The following CTNNBIP1 variants were observed in gnomAD, a reference collection of about 807,000 sequenced individuals.
CTNNBIP1 encodes the protein catenin beta interacting protein 1.
In CTNNBIP1, 7 loss-of-function variants were observed where a neutral mutation model predicts 11.8. That is an observed-to-expected ratio of 0.60 (90% confidence interval 0.34 to 1.12). The LOEUF (loss-of-function observed/expected upper bound fraction) is 1.12. Ranked by LOEUF, CTNNBIP1 falls within the 50% of genes most tolerant of loss-of-function variation. The probability of loss-of-function intolerance (pLI) is 0.03; values close to 1 mark genes in which losing one functional copy is unlikely to be tolerated. For synonymous variants in CTNNBIP1, 58 were observed against 43.9 expected, an observed-to-expected ratio of 1.32 and a Z score of -1.26; for missense variants, 101 against 113.4, an observed-to-expected ratio of 0.89 and a Z score of 0.50.
In CTNNBIP1 at chr1:9,871,243, T is replaced by C. The variant is rs1191218589; in HGVS notation, c.131A>G (p.Tyr44Cys). The part of the protein sequence containing the change: ...TASEEEFLRT[Y>C]AGVVNSQLSQ... ...GAGCTGGCTGTTGACCACCCCTGCA[T>C]AGGTGCGCAGGAACTCCTCCTCGCT... Residue 44 changes from tyrosine (Y) to cysteine (C), a missense_variant, in exon 5 of 6, where the codon TAT becomes TGT. Tyr to Cys is a radical substitution (Grantham distance 194). Transcript: ENST00000377263. The surrounding 1 kb of genome is among the most constrained non-coding windows in gnomAD (Gnocchi z 5.2). 4 of 1,581,012 alleles carry C rather than the reference T, an allele frequency of 2.5e-6. No individual in the cohort carries two copies. The highest frequency in any genetic ancestry group is 1.9e-5 in the Admixed American group (1 of 53,976).
At chr1:9,856,169 T>C (rs1380000771) in intron 5 of CTNNBIP1, among the ~76,000 whole-genome samples, 2 of 151,590 alleles carry the variant, frequency 1.3e-5, no homozygotes, top group African/African-American at 2.4e-5. Context: ...AAGAAATAAA[T>C]AAATAAAAGA....
chr1:9,850,181 T>C lies in CTNNBIP1; in HGVS notation c.*537A>G, dbSNP rs1050812703. ...TTGGTTTCTTTCTTTTCAAGTCAAA[T>C]ATAACGACTAATGTCCCAGACCCTG... is the stretch of plus-strand genomic sequence containing the variant. On this transcript the variant is annotated 3_prime_UTR_variant, in exon 6 of 6. Transcript: ENST00000377263. 6.5e-6 allele frequency: 1 copy of C among 152,720 alleles called. No individual in the cohort carries two copies. The highest frequency in any genetic ancestry group is 1.5e-5 in the Non-Finnish European group (1 of 68,116). 9.5% of individuals were successfully genotyped at this position (152,720 alleles called of 1,614,324 possible).
At chr1:9,905,308 C>T (rs1639595543) in intron 1 of CTNNBIP1, among the ~76,000 whole-genome samples, 3 of 152,200 alleles carry the variant, frequency 2.0e-5, no homozygotes, top group Admixed American at 6.6e-5. Context: ...CCCCCTAGAT[C>T]ACCATCCATG....
At chr1:9,863,280 G>A (rs762923786) in intron 5 of CTNNBIP1, among the ~76,000 whole-genome samples, 37 of 152,096 alleles carry the variant, frequency 2.4e-4, no homozygotes, top group Non-Finnish European at 5.1e-4. Context: ...GGTGATTTTT[G>A]GTTTAATTTT....
At chr1:9,852,156 G>A (rs1440757364) in intron 5 of CTNNBIP1, among the ~76,000 whole-genome samples, 2 of 152,104 alleles carry the variant, frequency 1.3e-5, no homozygotes, top group African/African-American at 2.4e-5. Context: ...AGAGTGAGCC[G>A]GCCTCCACTC....
At chr1:9,900,314 G>A (rs1038922334) in intron 1 of CTNNBIP1, among the ~76,000 whole-genome samples, 1 of 152,000 alleles carries the variant, frequency 6.6e-6, no homozygotes, top group African/African-American at 2.4e-5. Flanking sequence ...AGGATCACTT[G>A]AGCCTGGGAG....
intron 5 of CTNNBIP1, among the ~76,000 whole-genome samples, chr1:9,861,907 T>C (rs1638636383): frequency 6.6e-6 from 1 of 152,160 alleles, no homozygotes; most frequent in Admixed American, 6.5e-5. Context: ...CCAATCTAAC[T>C]AGCCACAGGA....
intron 5 of CTNNBIP1, among the ~76,000 whole-genome samples, chr1:9,859,519 C>T (rs184911237): frequency 4.6e-5 from 7 of 152,328 alleles, no homozygotes; most frequent in African/African-American, 1.2e-4. Flanking sequence ...AGAAAGCCTC[C>T]TGGGGGCCTC....
chr1:9,854,681 A>T (rs752211965), intron 5 of CTNNBIP1, among the ~76,000 whole-genome samples: 2 of 151,670 alleles, frequency 1.3e-5, no homozygotes, highest in Admixed American at 6.6e-5. Flanking sequence ...ACTAAAAAAA[A>T]ATTTTTTTTT....
rs149837708 is a variant in CTNNBIP1 at position 9,867,396 on chromosome 1, G to T, written c.187+3791C>A. On this transcript the variant is annotated intron_variant, in intron 5 of 5. Coordinates refer to ENST00000377263, the MANE Select transcript of CTNNBIP1 (RefSeq NM_020248.3). This position sits in a 1 kb window ranked among gnomAD's most constrained non-coding sequence, Gnocchi z 4.6. ...GACCGAGGAAGGAATCGAAGGGTAGGGGGTAAAGGGGTGCCCACGGCCCCC... is the reference window on the plus strand; with the variant it reads ...GACCGAGGAAGGAATCGAAGGGTAGTGGGTAAAGGGGTGCCCACGGCCCCC... Among the ~76,000 whole-genome samples, 6 of 152,292 alleles carry T rather than the reference G, an allele frequency of 3.9e-5. No individual in the cohort carries two copies. In the East Asian group the frequency reaches 1.2e-3, roughly 29 times the overall value.
chr1:9,876,712 TA>T (rs1419251202), intron 3 of CTNNBIP1, among the ~76,000 whole-genome samples: 1 of 152,210 alleles, frequency 6.6e-6, no homozygotes, highest in Non-Finnish European at 1.5e-5. Context: ...ATTTATTATG[TA>T]GTAGGCAACC....
intron 1 of CTNNBIP1, 121 bp downstream of exon 1, chr1:9,909,974 G>C (rs1639702481): frequency 1.3e-5 from 2 of 151,784 alleles, no homozygotes; most frequent in Non-Finnish European, 2.9e-5. Context: ...GGTCCGAGCG[G>C]GGTCGGGGGC....
Position 9,895,108 on chromosome 1 carries a change from C to T in CTNNBIP1, c.-143-11370G>A, listed in dbSNP as rs186209411. ...ATTTTTAGTAGAGACAGGGTTTCAC[C>T]GTGTTAGCCAAGATGGTCTCGATCT... is the stretch of plus-strand genomic sequence containing the variant. On this transcript the variant is annotated intron_variant, in intron 1 of 5. Transcript: ENST00000377263. Among the ~76,000 whole-genome samples, 187 of 151,346 alleles carry T rather than the reference C, an allele frequency of 1.2e-3. 2 individuals are homozygous for T. Among genetic ancestry groups the T allele is most frequent in the Non-Finnish European group, 9.7e-4 (66 of 67,868 alleles).
chr1:9,884,029 G>T (rs1161227460), intron 1 of CTNNBIP1, among the ~76,000 whole-genome samples: 1 of 152,132 alleles, frequency 6.6e-6, no homozygotes, highest in East Asian at 1.9e-4. Flanking sequence ...AGCAGAGGAA[G>T]GGGAGAGTGA....
chr1:9,894,834 G>A (rs1049394920), intron 1 of CTNNBIP1, among the ~76,000 whole-genome samples: 3 of 151,550 alleles, frequency 2.0e-5, no homozygotes, highest in Admixed American at 6.6e-5. Flanking sequence ...TCCGCCTCCC[G>A]GGTTCAAGAG....
At chr1:9,859,100 C>T (rs1638569205) in intron 5 of CTNNBIP1, among the ~76,000 whole-genome samples, 1 of 152,146 alleles carries the variant, frequency 6.6e-6, no homozygotes, top group Non-Finnish European at 1.5e-5. Flanking sequence ...CAGCCCTGGC[C>T]CTGGCCCCCT....
chr1:9,892,148 C>T (rs1037357828), intron 1 of CTNNBIP1, among the ~76,000 whole-genome samples: 5 of 150,860 alleles, frequency 3.3e-5, no homozygotes, highest in African/African-American at 7.3e-5. Context: ...GCAGCCTGGG[C>T]GCGGTGGCTC....
At position 9,907,265 on chromosome 1, in the gene CTNNBIP1, G is replaced by A. The variant is rs367683585; in HGVS notation, c.-144+2830C>T. 3.2e-3 allele frequency among the ~76,000 whole-genome samples: 485 copies of A among 152,266 alleles called. 2 individuals carry two copies. The highest frequency in any genetic ancestry group is 0.014 in the Middle Eastern group (4 of 294). On this transcript the variant is annotated intron_variant, in intron 1 of 5. Transcript: ENST00000377263. ...GGCTCACTGCAACCTCCACCTCCCTGGTTCAAGCGATTCTCCTGCCTCAGC... is the reference window on the plus strand; with the variant it reads ...GGCTCACTGCAACCTCCACCTCCCTAGTTCAAGCGATTCTCCTGCCTCAGC...
chr1:9,895,129 G>A (rs559977420), intron 1 of CTNNBIP1, among the ~76,000 whole-genome samples: 23 of 151,634 alleles, frequency 1.5e-4, no homozygotes, highest in South Asian at 6.3e-4. Context: ...AGATGGTCTC[G>A]ATCTCCTGAC....
Sources: allele counts gnomAD v4.1 joint callset (sites outside exome capture counted in the v4.1 genomes callset), GRCh38; gene constraint gnomAD v4.1.1; non-coding constraint Gnocchi (gnomAD v3.1); transcripts MANE v1.5; gene names NCBI Gene and HGNC (gene_info 2026-07-23, HGNC 2026-07-21).